The following KIF26B variants were observed in gnomAD, a reference collection of about 807,000 sequenced individuals.
KIF26B encodes the protein kinesin-like protein KIF26B.
A neutral mutation model predicts 151.2 loss-of-function variants in KIF26B; 63 were observed. The ratio of observed to expected loss-of-function variants is 0.42; its 90% CI spans 0.34 to 0.51. The LOEUF is 0.51. Among genes scored for constraint, KIF26B ranks in the 20% least tolerant of loss-of-function variants. The pLI is 0.07. For synonymous variants in KIF26B, 1,357 were observed against 1,262.1 expected, an observed-to-expected ratio of 1.08 and a Z score of -1.59; for missense variants, 2,813 against 2,913.6, an observed-to-expected ratio of 0.97 and a Z score of 0.79.
At chr1:245,274,773 T>C (rs1328058134) in intron 2 of KIF26B, among the ~76,000 whole-genome samples, 1 of 152,140 alleles carries the variant, frequency 6.6e-6, no homozygotes, top group Non-Finnish European at 1.5e-5. Context: ...TCAGATGATA[T>C]TTCTGGTTCT....
intron 4 of KIF26B, among the ~76,000 whole-genome samples, chr1:245,453,173 A>G (rs1659436626): frequency 6.6e-6 from 1 of 152,114 alleles, no homozygotes; most frequent in East Asian, 1.9e-4. Flanking sequence ...CCAGAACACT[A>G]GATCTGTTTT....
Position 245,156,581 on chromosome 1 carries a change from C to T in KIF26B, c.363C>T (p.Pro121=), listed in dbSNP as rs1310883516. ...CCGGCAGCGGCGGCGGCTCCTCCCCCGGCTCGGACCGCGGCGTCTGGTGCG... is the reference window on the plus strand; with the variant it reads ...CCGGCAGCGGCGGCGGCTCCTCCCCTGGCTCGGACCGCGGCGTCTGGTGCG... ...PGSGSGGGSS[P]GSDRGVWCEN... Residue 121 remains proline (P), a synonymous_variant, in exon 2 of 15, where the codon CCC becomes CCT. Coordinates refer to ENST00000407071, the MANE Select transcript of KIF26B (RefSeq NM_018012.4). 4 of 1,528,322 alleles carry T rather than the reference C, an allele frequency of 2.6e-6. No homozygotes were observed. Among genetic ancestry groups the T allele is most frequent in the Non-Finnish European group, 3.5e-6 (4 of 1,144,120 alleles). 94.7% of individuals were successfully genotyped at this position (1,528,322 alleles called of 1,614,324 possible). A position where few individuals can be genotyped will look rare whatever the true frequency, so the allele number is the denominator to read the frequency against.
rs746379050 is a variant in KIF26B, at chr1:245,687,998, C to A, written c.5015C>A (p.Ala1672Glu). The change falls in exon 12 of 15, where the codon GCG (alanine) becomes GAG (glutamate). Residue 1672 changes from alanine to glutamate, a missense_variant. This residue lies in a region of KIF26B where 2,060 missense variants were observed against 2,088.6 expected (regional missense o/e 0.99). Coordinates refer to ENST00000407071, the MANE Select transcript of KIF26B (RefSeq NM_018012.4). The surrounding 1 kb of genome is among the most constrained non-coding windows in gnomAD (Gnocchi z 4.9). Reference sequence around the variant, plus strand: ...AGCAGAAGCAACTCGCTGGGCAGGGCGACAGTCAGCCACTACGAATGCCTC... The same window carrying A: ...AGCAGAAGCAACTCGCTGGGCAGGGAGACAGTCAGCCACTACGAATGCCTC... ...LASRSNSLGR[A>E]TVSHYECLSL... The A allele has an allele frequency of 1.3e-6, 2 of 1,568,246 alleles. No homozygotes were observed. The highest frequency in any genetic ancestry group is 1.2e-5 in the South Asian group (1 of 85,290).
chr1:245,270,723 A>G (rs1165337427), intron 2 of KIF26B, among the ~76,000 whole-genome samples: 6 of 152,090 alleles, frequency 3.9e-5, no homozygotes, highest in Admixed American at 3.9e-4. Context: ...TGCACAGGTT[A>G]CCTTTTCACT....
chr1:245,469,714 T>C (rs1659869594), intron 4 of KIF26B, among the ~76,000 whole-genome samples: 1 of 152,174 alleles, frequency 6.6e-6, no homozygotes, highest in South Asian at 2.1e-4. Flanking sequence ...AAACGTATAC[T>C]TCTGTCTATC....
In KIF26B at chr1:245,662,016, C is replaced by A. The variant is rs544172970; in HGVS notation, c.2258+15736C>A. ...ATATGCACACCCAATATATATACAC[C>A]CAATGATATATATATTACACACACC... On this transcript the variant is annotated intron_variant, in intron 10 of 14. Coordinates refer to ENST00000407071, the MANE Select transcript of KIF26B (RefSeq NM_018012.4). Among the ~76,000 whole-genome samples the A allele has an allele frequency of 1.8e-3, 135 of 73,682 alleles. 5 individuals carry two copies. Among genetic ancestry groups the A allele is most frequent in the South Asian group, 0.011 (20 of 1,900 alleles). The allele number at this position is 73,682 out of a possible 152,430, so 48.3% of individuals were successfully genotyped here.
Position 245,433,477 on chromosome 1 carries a change from AAAGAAG to A in KIF26B, c.1166+13751_1166+13756del, listed in dbSNP as rs549915125. On this transcript the variant is annotated intron_variant, in intron 4 of 14. Coordinates refer to ENST00000407071, the MANE Select transcript of KIF26B (RefSeq NM_018012.4). ...GCAAGACTCTGTCTCAAAAAAAAAAAAAGAAGAAGAAGAAGAAGAAGAAGTAAGAAG... is the reference window on the plus strand; with the variant it reads ...GCAAGACTCTGTCTCAAAAAAAAAAAAAGAAGAAGAAGAAGAAGTAAGAAG... 1.9e-3 allele frequency among the ~76,000 whole-genome samples: 276 copies of A among 147,546 alleles called. 1 individual carries two copies. Among genetic ancestry groups the A allele is most frequent in the African/African-American group, 3.6e-3 (144 of 39,648 alleles).
Position 245,169,367 on chromosome 1 carries a change from G to A in KIF26B, c.465+12684G>A, listed in dbSNP as rs553660697. On this transcript the variant is annotated intron_variant, in intron 2 of 14. Coordinates refer to ENST00000407071, the MANE Select transcript of KIF26B (RefSeq NM_018012.4). ...TGTGTGTGTGTGTGTGTGTGTGCGCGCAAGCACTTTGTGGAGGCCCTGAAG... is the reference window on the plus strand; with the variant it reads ...TGTGTGTGTGTGTGTGTGTGTGCGCACAAGCACTTTGTGGAGGCCCTGAAG... Among the ~76,000 whole-genome samples the A allele has an allele frequency of 9.2e-5, 14 of 152,110 alleles. No individual in the cohort carries two copies. The South Asian group carries it at 2.1e-3, about 23-fold the overall frequency.
intron 4 of KIF26B, among the ~76,000 whole-genome samples, chr1:245,463,723 TTG>T (rs1171064825): frequency 6.6e-6 from 1 of 152,188 alleles, no homozygotes; most frequent in Non-Finnish European, 1.5e-5. Flanking sequence ...CCCGTCTGGA[TTG>T]TGATTCAAGG....
rs2044830910 is a variant in KIF26B, at chr1:245,705,588, AC to A, written c.*2983del. Reference sequence around the variant, plus strand: ...TATTTCATTACCCACAAGCGAAAGGACTAGAAAAAAATATTTGAAATTAACA... The same window carrying A: ...TATTTCATTACCCACAAGCGAAAGGATAGAAAAAAATATTTGAAATTAACA... On this transcript the variant is annotated 3_prime_UTR_variant, in exon 15 of 15. Transcript: ENST00000407071. The A allele has an allele frequency of 6.6e-6, 1 of 152,198 alleles. No individual in the cohort carries two copies. Among genetic ancestry groups the A allele is most frequent in the African/African-American group, 2.4e-5 (1 of 41,450 alleles). The allele number at this position is 152,198 out of a possible 1,614,324, so 9.4% of individuals were successfully genotyped here. A position where few individuals can be genotyped will look rare whatever the true frequency, so the allele number is the denominator to read the frequency against.
intron 9 of KIF26B, among the ~76,000 whole-genome samples, chr1:245,613,945 G>A (rs1029209042): frequency 3.3e-5 from 5 of 152,094 alleles, no homozygotes; most frequent in Admixed American, 6.5e-5. Context: ...CCCTCTTGCC[G>A]TTTGTCCCTT....
intron 4 of KIF26B, among the ~76,000 whole-genome samples, chr1:245,435,128 TACCCATCC>T (rs1658883371): frequency 2.5e-5 from 3 of 118,614 alleles, no homozygotes; most frequent in African/African-American, 6.5e-5. Flanking sequence ...TCTCTCCATC[TACCCATCC>T]ATCCATCCAT....
rs111985973 is a variant in KIF26B, at chr1:245,317,431, C to T, written c.466-49403C>T. On this transcript the variant is annotated intron_variant, in intron 2 of 14. Transcript: ENST00000407071. ...TTGAGGCCAGAGCTGGAAGGGAGGCCGTTTGTTTTGGGCACTGCTGAGAAA... is the reference window on the plus strand; with the variant it reads ...TTGAGGCCAGAGCTGGAAGGGAGGCTGTTTGTTTTGGGCACTGCTGAGAAA... Among the ~76,000 whole-genome samples the T allele has an allele frequency of 6.7e-3, 1,026 of 152,202 alleles. 6 individuals are homozygous for T. Among genetic ancestry groups the T allele is most frequent in the African/African-American group, 0.022 (914 of 41,526 alleles).
At position 245,686,679 on chromosome 1, in the gene KIF26B, C is replaced by T; in HGVS notation, c.3696C>T (p.Ile1232=). ...CGGGCTCGCGGCCCGTCAGCATCAT[C>T]AGCAGCATCAGCGAGGACCTGGAGT... ...LASGSRPVSI[I]SSISEDLECY... The change falls in exon 12 of 15, where the codon ATC becomes ATT. Residue 1232 remains isoleucine, a synonymous_variant. Transcript: ENST00000407071. The surrounding 1 kb of genome is among the most constrained non-coding windows in gnomAD (Gnocchi z 5.6). 1 of 1,612,448 alleles carries T rather than the reference C, an allele frequency of 6.2e-7. No homozygotes were observed. The highest frequency in any genetic ancestry group is 8.5e-7 in the Non-Finnish European group (1 of 1,179,372).
chr1:245,231,972 T>C (rs1233347340), intron 2 of KIF26B, among the ~76,000 whole-genome samples: 1 of 152,212 alleles, frequency 6.6e-6, no homozygotes, highest in African/African-American at 2.4e-5. Flanking sequence ...TCCTAAAGAA[T>C]ATGCCAGAGG....
intron 10 of KIF26B, among the ~76,000 whole-genome samples, chr1:245,670,832 A>G (rs1403484148): frequency 6.6e-6 from 1 of 152,216 alleles, no homozygotes; most frequent in East Asian, 1.9e-4. Flanking sequence ...CATCCCCTCA[A>G]GCATTTATCC....
intron 4 of KIF26B, among the ~76,000 whole-genome samples, chr1:245,505,109 T>C (rs1660706221): frequency 6.6e-6 from 1 of 151,892 alleles, no homozygotes; most frequent in African/African-American, 2.4e-5. Flanking sequence ...TGGCTAATTT[T>C]TGTATTTTAG....
chr1:245,687,357 A>G lies in KIF26B; in HGVS notation c.4374A>G (p.Glu1458=). The change falls in exon 12 of 15, where the codon GAA becomes GAG. Residue 1458 remains glutamate, a synonymous_variant. Coordinates refer to ENST00000407071, the MANE Select transcript of KIF26B (RefSeq NM_018012.4). The surrounding 1 kb of genome is among the most constrained non-coding windows in gnomAD (Gnocchi z 4.9). ...AAGAGACGGCTCATCCCAATGAAGAAGGGATGATGAGGTGTGAGACTGCCA... is the reference window on the plus strand; with the variant it reads ...AAGAGACGGCTCATCCCAATGAAGAGGGGATGATGAGGTGTGAGACTGCCA... ...VKKETAHPNE[E]GMMRCETATG... is the part of the protein sequence containing the mutation. The G allele has an allele frequency of 6.3e-7, 1 of 1,592,974 alleles. No individual in the cohort carries two copies. Among genetic ancestry groups the G allele is most frequent in the African/African-American group, 1.3e-5 (1 of 74,614 alleles).
chr1:245,231,758 A>G (rs574307185), intron 2 of KIF26B, among the ~76,000 whole-genome samples: 1 of 152,342 alleles, frequency 6.6e-6, no homozygotes, highest in East Asian at 1.9e-4. Flanking sequence ...GTCACTTAAA[A>G]AGAAAAAAAA....
Sources: gnomAD v4.1 joint callset for allele counts (sites outside exome capture counted in the v4.1 genomes callset) on GRCh38, gnomAD v4.1.1 for gene constraint, gnomAD v4.1.1 regional missense constraint, Gnocchi (gnomAD v3.1) non-coding constraint, MANE v1.5 for transcripts, NCBI Gene and HGNC (gene_info 2026-07-23, HGNC 2026-07-21) for gene names.